SGCZ: variants seen among roughly 807,000 people sequenced by gnomAD.
The protein encoded by SGCZ is zeta-sarcoglycan.
In SGCZ, 40 loss-of-function variants were observed where a neutral mutation model predicts 41.3. That is an observed-to-expected ratio of 0.97 (90% confidence interval 0.75 to 1.26). SGCZ has a LOEUF of 1.26. Among genes scored for constraint, SGCZ ranks in the 50% most tolerant of loss-of-function variants. The pLI is 0.00. For synonymous variants in SGCZ, 206 were observed against 137.5 expected (o/e 1.50, Z -3.49); for missense variants, 552 against 369.8 (o/e 1.49, Z -4.04).
At chr8:14,584,404 T>C (rs1804993281) in intron 1 of SGCZ, among the ~76,000 whole-genome samples, 2 of 152,230 alleles carry the variant, frequency 1.3e-5, no homozygotes, top group South Asian at 4.1e-4. Context: ...GCTTACATTC[T>C]AGGCTAAGAT....
intron 3 of SGCZ, among the ~76,000 whole-genome samples, chr8:14,271,157 C>G (rs760025653): frequency 6.5e-4 from 98 of 151,832 alleles, no homozygotes; most frequent in Admixed American, 1.3e-3. Flanking sequence ...TGTAACTAAC[C>G]TGCACGTTGT....
chr8:14,376,208 G>C (rs1399596411), intron 2 of SGCZ, among the ~76,000 whole-genome samples: 3 of 152,168 alleles, frequency 2.0e-5, no homozygotes, highest in Admixed American at 6.5e-5. Flanking sequence ...CTACACAGGA[G>C]GCTGAGGCAG....
chr8:14,244,897 C>G (rs1481346665), intron 3 of SGCZ, among the ~76,000 whole-genome samples: 1 of 151,880 alleles, frequency 6.6e-6, no homozygotes, highest in Non-Finnish European at 1.5e-5. Context: ...CTCTGTTTGT[C>G]TGTTATTGGT....
At chr8:14,240,348 A>ATAAATAAAT (rs1563205577) in intron 3 of SGCZ, among the ~76,000 whole-genome samples, 87 of 144,546 alleles carry the variant, frequency 6.0e-4, no homozygotes, top group African/African-American at 2.3e-3. Context: ...AAAAAAAAAA[A>ATAAATAAAT]AAAAAAAGAA....
At chr8:15,130,611 C>T (rs1807861242) in intron 1 of SGCZ, among the ~76,000 whole-genome samples, 1 of 152,116 alleles carries the variant, frequency 6.6e-6, no homozygotes, top group Admixed American at 6.5e-5. Context: ...AATTATCACT[C>T]GTTTATTTAC....
intron 1 of SGCZ, among the ~76,000 whole-genome samples, chr8:15,227,587 T>G (rs1801819684): frequency 6.6e-6 from 1 of 152,236 alleles, no homozygotes; most frequent in African/African-American, 2.4e-5. Context: ...GGAGTCATTC[T>G]TTCTCTTTCA....
At chr8:14,459,161 G>A (rs755799261) in intron 2 of SGCZ, among the ~76,000 whole-genome samples, 28 of 151,994 alleles carry the variant, frequency 1.8e-4, no homozygotes, top group Non-Finnish European at 3.7e-4. Context: ...GCAAACTATC[G>A]AGAGGACAAA....
intron 1 of SGCZ, among the ~76,000 whole-genome samples, chr8:14,559,497 G>A (rs191774499): frequency 6.6e-6 from 1 of 152,108 alleles, no homozygotes; most frequent in East Asian, 1.9e-4. Context: ...ACAAACAAAT[G>A]GAAACACATC....
chr8:14,104,801 C>A (rs914044754), intron 6 of SGCZ, among the ~76,000 whole-genome samples: 3 of 151,958 alleles, frequency 2.0e-5, no homozygotes. Context: ...AGCCTGCAAA[C>A]CTTAATATTT....
intron 2 of SGCZ, among the ~76,000 whole-genome samples, chr8:14,332,149 A>G (rs968333091): frequency 2.0e-5 from 3 of 152,174 alleles, no homozygotes; most frequent in Non-Finnish European, 2.9e-5. Context: ...AAATAAAAAT[A>G]TGATGACCGT....
intron 5 of SGCZ, among the ~76,000 whole-genome samples, chr8:14,109,281 C>T (rs545504212): frequency 1.3e-5 from 2 of 152,142 alleles, no homozygotes; most frequent in Non-Finnish European, 2.9e-5. Flanking sequence ...TTTACTGAAT[C>T]CATTTTTTTC....
intron 1 of SGCZ, among the ~76,000 whole-genome samples, chr8:15,120,113 T>G (rs1807424712): frequency 6.6e-6 from 1 of 152,242 alleles, no homozygotes; most frequent in Admixed American, 6.5e-5. Flanking sequence ...TCCGAAGTGT[T>G]GGGTTACAGG....
chr8:15,237,010 T>TGCGGGAGGAAACACTGCCC (rs1802147616), intron 1 of SGCZ, among the ~76,000 whole-genome samples: 2 of 152,172 alleles, frequency 1.3e-5, no homozygotes. Flanking sequence ...GCACTGCAAC[T>TGCGGGAGGAAACACTGCCC]GCGGGAGGAA....
intron 1 of SGCZ, among the ~76,000 whole-genome samples, chr8:14,635,270 T>A (rs1806791528): frequency 6.6e-6 from 1 of 151,960 alleles, no homozygotes; most frequent in Non-Finnish European, 1.5e-5. Context: ...TTGCTCAATC[T>A]GTTGTCTTTC....
intron 1 of SGCZ, among the ~76,000 whole-genome samples, chr8:15,120,832 C>G (rs1369317867): frequency 6.6e-6 from 1 of 152,108 alleles, no homozygotes; most frequent in African/African-American, 2.4e-5. Flanking sequence ...GTCCTATTTG[C>G]ATATGAATAC....
intron 1 of SGCZ, among the ~76,000 whole-genome samples, chr8:14,977,431 A>G (rs192999568): frequency 3.3e-5 from 5 of 152,316 alleles, no homozygotes; most frequent in South Asian, 2.1e-4. Flanking sequence ...TTTATCACCA[A>G]TTCTAAAGAG....
intron 5 of SGCZ, among the ~76,000 whole-genome samples, chr8:14,128,789 A>G (rs1802944476): frequency 6.6e-6 from 1 of 152,134 alleles, no homozygotes; most frequent in South Asian, 2.1e-4. Flanking sequence ...TGTATTTTGC[A>G]GTAACATGGA....
chr8:15,199,583 T>C (rs1800833277), intron 1 of SGCZ, among the ~76,000 whole-genome samples: 1 of 152,154 alleles, frequency 6.6e-6, no homozygotes, highest in Non-Finnish European at 1.5e-5. Flanking sequence ...CATTTACGGT[T>C]AGAAAGTAAA....
At chr8:14,833,845 A>G (rs544911588) in intron 1 of SGCZ, among the ~76,000 whole-genome samples, 9 of 152,294 alleles carry the variant, frequency 5.9e-5, no homozygotes, top group African/African-American at 2.2e-4. Flanking sequence ...GTGTTAAATT[A>G]AATCAACTGA....
Sources: allele counts gnomAD v4.1 joint callset (sites outside exome capture counted in the v4.1 genomes callset), GRCh38; gene constraint gnomAD v4.1.1; transcripts MANE v1.5; gene names NCBI Gene and HGNC (gene_info 2026-07-23, HGNC 2026-07-21).